Variants in SLC4A10 observed in about 807,000 individuals in gnomAD.
The protein encoded by SLC4A10 is sodium-driven chloride bicarbonate exchanger.
SLC4A10 carries 42 observed loss-of-function variants against 137.7 expected under a neutral mutation model. The ratio of observed to expected loss-of-function variants is 0.30; its 90% CI spans 0.24 to 0.39. SLC4A10 has a LOEUF of 0.39. Ranked by LOEUF, SLC4A10 falls within the 10% of genes least tolerant of loss-of-function variation. SLC4A10 has a pLI of 1.00. For synonymous variants in SLC4A10, 474 were observed against 464.1 expected (o/e 1.02, Z -0.27); for missense variants, 925 against 1,355.0 (o/e 0.68, Z 4.98).
chr2:161,795,563 G>T (rs557897935), intron 2 of SLC4A10, among the ~76,000 whole-genome samples: 2 of 151,936 alleles, frequency 1.3e-5, no homozygotes, highest in East Asian at 3.9e-4. Flanking sequence ...ATTATTATTA[G>T]TATGTGTGTG....
chr2:161,938,134 G>A (rs995914164), intron 15 of SLC4A10, among the ~76,000 whole-genome samples: 6 of 152,180 alleles, frequency 3.9e-5, no homozygotes, highest in African/African-American at 9.6e-5. Flanking sequence ...AGCCAGGCAC[G>A]ATGGCGATCA....
At chr2:161,966,079 T>C (rs954143810) in intron 23 of SLC4A10, among the ~76,000 whole-genome samples, 1 of 152,214 alleles carries the variant, frequency 6.6e-6, no homozygotes, top group African/African-American at 2.4e-5. Context: ...ATATTTCCTA[T>C]TTCCTTTGGG....
intron 1 of SLC4A10, among the ~76,000 whole-genome samples, chr2:161,718,898 C>T (rs534318007): frequency 7.9e-5 from 12 of 151,916 alleles, no homozygotes; most frequent in African/African-American, 2.9e-4. Context: ...GTTATTATCT[C>T]CCACTGTTTT....
At chr2:161,864,267 G>A (rs535497141) in intron 6 of SLC4A10, among the ~76,000 whole-genome samples, 154 of 152,100 alleles carry the variant, frequency 1.0e-3, no homozygotes, top group African/African-American at 3.6e-3. Flanking sequence ...ATGCTTTACT[G>A]GAAAGACTGA....
chr2:161,875,746 A>G (rs1271645136), intron 8 of SLC4A10, among the ~76,000 whole-genome samples: 1 of 152,218 alleles, frequency 6.6e-6, no homozygotes, highest in Non-Finnish European at 1.5e-5. Flanking sequence ...GAAACATATT[A>G]GAGAGAGTTG....
In SLC4A10 at chr2:161,821,136, G is replaced by T. The variant is rs144437693; in HGVS notation, c.277+16541G>T. Reference sequence around the variant, plus strand: ...TTTAATGAGCTTTTATTGATTTGTAGAAGTTCTTTACATGTTATGGAAATA... The same window carrying T: ...TTTAATGAGCTTTTATTGATTTGTATAAGTTCTTTACATGTTATGGAAATA... On this transcript the variant is annotated intron_variant, in intron 3 of 26. Coordinates refer to ENST00000446997, the MANE Select transcript of SLC4A10 (RefSeq NM_001178015.2). Among the ~76,000 whole-genome samples, 78 of 152,258 alleles carry T rather than the reference G, an allele frequency of 5.1e-4. No individual in the cohort carries two copies. The East Asian group carries it at 0.01, about 20-fold the overall frequency.
chr2:161,666,505 CT>C (rs1377230748), intron 1 of SLC4A10, among the ~76,000 whole-genome samples: 2 of 151,698 alleles, frequency 1.3e-5, no homozygotes, highest in Non-Finnish European at 3.0e-5. Flanking sequence ...TACCAAGTTT[CT>C]TTGTCTACTA....
At chr2:161,789,359 G>A (rs912750205) in intron 2 of SLC4A10, among the ~76,000 whole-genome samples, 4 of 152,124 alleles carry the variant, frequency 2.6e-5, no homozygotes, top group African/African-American at 9.7e-5. Flanking sequence ...GTGTCTGCCA[G>A]ACTTTTGCTG....
At chr2:161,868,910 CAG>C (rs1034340898) in intron 6 of SLC4A10, among the ~76,000 whole-genome samples, 6 of 151,290 alleles carry the variant, frequency 4.0e-5, no homozygotes, top group Non-Finnish European at 8.9e-5. Context: ...ATTATAAAAA[CAG>C]AAATAATTGA....
At chr2:161,749,821 A>G (rs1205387343) in intron 1 of SLC4A10, among the ~76,000 whole-genome samples, 3 of 151,744 alleles carry the variant, frequency 2.0e-5, no homozygotes, top group African/African-American at 7.3e-5. Context: ...TACTTTTTGG[A>G]TGCATTTGAG....
At chr2:161,884,711 T>A (rs2062096564) in intron 10 of SLC4A10, among the ~76,000 whole-genome samples, 1 of 152,226 alleles carries the variant, frequency 6.6e-6, no homozygotes, top group Admixed American at 6.6e-5. Context: ...ACCAGAAAGC[T>A]ACTCTAAAAG....
chr2:161,675,396 A>T (rs1184890103), intron 1 of SLC4A10, among the ~76,000 whole-genome samples: 1 of 152,180 alleles, frequency 6.6e-6, no homozygotes, highest in East Asian at 1.9e-4. Flanking sequence ...ACAGCAACCC[A>T]AGGTTTCCTA....
At chr2:161,793,406 A>T (rs2054418399) in intron 2 of SLC4A10, among the ~76,000 whole-genome samples, 1 of 152,052 alleles carries the variant, frequency 6.6e-6, no homozygotes, top group African/African-American at 2.4e-5. Context: ...GTCAAACTAG[A>T]ATTTTATATC....
chr2:161,952,047 A>G (rs1694895671), intron 19 of SLC4A10, among the ~76,000 whole-genome samples: 2 of 152,174 alleles, frequency 1.3e-5, no homozygotes, highest in Non-Finnish European at 2.9e-5. Flanking sequence ...TAAGCCATAT[A>G]ATTATTATTT....
chr2:161,917,860 C>G (rs910309485), intron 15 of SLC4A10, among the ~76,000 whole-genome samples: 1 of 152,080 alleles, frequency 6.6e-6, no homozygotes, highest in African/African-American at 2.4e-5. Context: ...AGTAGGTGTT[C>G]AATAAATATT....
intron 15 of SLC4A10, among the ~76,000 whole-genome samples, chr2:161,938,305 A>G (rs941705557): frequency 2.0e-5 from 3 of 152,068 alleles, no homozygotes; most frequent in African/African-American, 7.2e-5. Context: ...TTAATTAAAT[A>G]AAGAAAAGTT....
chr2:161,685,843 C>T (rs1333604224), intron 1 of SLC4A10, among the ~76,000 whole-genome samples: 1 of 152,092 alleles, frequency 6.6e-6, no homozygotes, highest in Non-Finnish European at 1.5e-5. Context: ...ATTACATTTA[C>T]ACAAAATTTA....
chr2:161,744,685 C>G (rs979257662), intron 1 of SLC4A10, among the ~76,000 whole-genome samples: 6 of 151,936 alleles, frequency 3.9e-5, no homozygotes, highest in Non-Finnish European at 7.4e-5. Flanking sequence ...ACTGTAAACG[C>G]AAACAAACAA....
chr2:161,696,207 CCA>C (rs1559050599), intron 1 of SLC4A10, among the ~76,000 whole-genome samples: 1 of 151,948 alleles, frequency 6.6e-6, no homozygotes, highest in Non-Finnish European at 1.5e-5. Context: ...ATGATGGTTT[CCA>C]GCTTCATCTG....
Sources: gnomAD v4.1 joint callset for allele counts (sites outside exome capture counted in the v4.1 genomes callset) on GRCh38, gnomAD v4.1.1 for gene constraint, MANE v1.5 for transcripts, NCBI Gene and HGNC (gene_info 2026-07-23, HGNC 2026-07-21) for gene names.